Variants in CTNNB1 observed in about 807,000 individuals in gnomAD.
CTNNB1 encodes the protein catenin beta-1.
Under a neutral mutation model 82.5 loss-of-function variants are expected in CTNNB1, and 6 were observed. That is an observed-to-expected ratio of 0.07 (90% CI 0.04 to 0.14). The LOEUF (loss-of-function observed/expected upper bound fraction) is 0.14, where lower values mean the gene tolerates loss of function less well. CTNNB1 is among the 10% of genes least tolerant of loss of function. The probability of loss-of-function intolerance (pLI) is 1.00; values close to 1 mark genes in which losing one functional copy is unlikely to be tolerated. For synonymous variants in CTNNB1, 312 were observed against 329.7 expected (o/e 0.95, Z 0.58); for missense variants, 529 against 980.4 (o/e 0.54, Z 6.15).
intron 7 of CTNNB1, chr3:41,233,086 G>A (rs2078348626): frequency 1.7e-6 from 1 of 576,800 alleles, no homozygotes; most frequent in Non-Finnish European, 3.1e-6. Flanking sequence ...AAGGGGGACA[G>A]TGGAGATAAC....
chr3:41,239,631 T>G lies in CTNNB1; in HGVS notation c.*289T>G. On this transcript the variant is annotated 3_prime_UTR_variant, in exon 15 of 15. Coordinates refer to ENST00000349496, the MANE Select transcript of CTNNB1 (RefSeq NM_001904.4). ...TGAGTAACATTTGCTGTTTTAAACA[T>G]TAATAGCAGCCTTTCTCTCTTTATA... is the stretch of plus-strand genomic sequence containing the variant. 1 of 487,034 alleles carries G rather than the reference T, an allele frequency of 2.1e-6. No individual in the cohort carries two copies. Among genetic ancestry groups the G allele is most frequent in the Non-Finnish European group, 3.8e-6 (1 of 265,240 alleles). The allele number at this position is 487,034 out of a possible 1,614,324, so 30.2% of individuals were successfully genotyped here. A position where few individuals can be genotyped will look rare whatever the true frequency, so the allele number is the denominator to read the frequency against.
intron 1 of CTNNB1, among the ~76,000 whole-genome samples, chr3:41,210,745 A>G (rs902366459): frequency 2.0e-5 from 3 of 152,068 alleles, no homozygotes; most frequent in Non-Finnish European, 4.4e-5. Flanking sequence ...ACCTGTAACA[A>G]TCATTATCAT....
intron 1 of CTNNB1, among the ~76,000 whole-genome samples, chr3:41,218,414 G>T (rs867982221): frequency 3.3e-5 from 5 of 151,990 alleles, no homozygotes; most frequent in Non-Finnish European, 7.4e-5. Flanking sequence ...CTTAAATCAA[G>T]AACAAGACAT....
chr3:41,222,501 T>TA (rs1409005617), intron 1 of CTNNB1, among the ~76,000 whole-genome samples: 1 of 152,216 alleles, frequency 6.6e-6, no homozygotes, highest in East Asian at 1.9e-4. Flanking sequence ...TTTTAAAAGC[T>TA]AAAAAATATA....
chr3:41,219,762 T>C (rs985519063), intron 1 of CTNNB1, among the ~76,000 whole-genome samples: 1 of 152,204 alleles, frequency 6.6e-6, no homozygotes, highest in Non-Finnish European at 1.5e-5. Flanking sequence ...CTTAAAATTC[T>C]TACCCTTAAA....
At position 41,224,012 on chromosome 3, in the gene CTNNB1, T is replaced by A; in HGVS notation, c.-48-9T>A. 6.3e-7 allele frequency: 1 copy of A among 1,585,024 alleles called. No individual in the cohort carries two copies. Among genetic ancestry groups the A allele is most frequent in the Non-Finnish European group, 8.7e-7 (1 of 1,153,804 alleles). ...TAAATCCTAATGACTTTTGATTAAC[T>A]TTTTTTAGGGTATTTGAAGTATACC... is the stretch of plus-strand genomic sequence containing the variant. On this transcript the variant is annotated splice_polypyrimidine_tract_variant and intron_variant, in intron 1 of 14. Transcript: ENST00000349496.
In CTNNB1 at chr3:41,239,247, G is replaced by A. The variant is rs1343763001; in HGVS notation, c.2251G>A (p.Asp751Asn). ...GHHPGADYPV[D>N]GLPDLGHAQD... ...CCACCCTGGTGCTGACTATCCAGTT[G>A]ATGGGCTGCCAGATCTGGGGCATGC... The change falls in exon 15 of 15, where the codon GAT (aspartate) becomes AAT (asparagine). Residue 751 changes from aspartate to asparagine, a missense_variant. Physicochemically the swap from Asp to Asn is conservative, Grantham distance 23. Transcript: ENST00000349496. The A allele has an allele frequency of 1.2e-6, 2 of 1,614,218 alleles. No homozygotes were observed. Among genetic ancestry groups the A allele is most frequent in the African/African-American group, 1.3e-5 (1 of 75,056 alleles).
intron 1 of CTNNB1, among the ~76,000 whole-genome samples, chr3:41,201,732 T>A (rs1295793164): frequency 6.6e-6 from 1 of 151,932 alleles, no homozygotes; most frequent in African/African-American, 2.4e-5. Flanking sequence ...TAAAAAAAAA[T>A]GAAGCATTTA....
At chr3:41,229,221 GT>G (rs977192350) in intron 7 of CTNNB1, among the ~76,000 whole-genome samples, 2 of 151,428 alleles carry the variant, frequency 1.3e-5, no homozygotes, top group Admixed American at 6.6e-5. Flanking sequence ...TTTTTAAATA[GT>G]TTTTTTTTAA....
chr3:41,239,653 T>C lies in CTNNB1; in HGVS notation c.*311T>C. The C allele has an allele frequency of 2.2e-6, 1 of 459,630 alleles. No homozygotes were observed. Among genetic ancestry groups the C allele is most frequent in the Non-Finnish European group, 4.0e-6 (1 of 247,682 alleles). The allele number at this position is 459,630 out of a possible 1,614,324, so 28.5% of individuals were successfully genotyped here. ...ACATTAATAGCAGCCTTTCTCTCTT[T>C]ATACAGCTGTATTGTCTGAACTTGC... On this transcript the variant is annotated 3_prime_UTR_variant, in exon 15 of 15. Coordinates refer to ENST00000349496, the MANE Select transcript of CTNNB1 (RefSeq NM_001904.4).
Position 41,224,545 on chromosome 3 carries a change from C to G in CTNNB1, c.33C>G (p.Asp11Glu), listed in dbSNP as rs2125616742. The G allele has an allele frequency of 6.2e-7, 1 of 1,613,824 alleles. No individual in the cohort carries two copies. Among genetic ancestry groups the G allele is most frequent in the Non-Finnish European group, 8.5e-7 (1 of 1,179,902 alleles). The stretch of plus-strand genomic sequence containing the variant: ...TTATAGCTGATTTGATGGAGTTGGA[C>G]ATGGCCATGGAACCAGACAGAAAAG... MATQADLMEL[D>E]MAMEPDRKAA... The change falls in exon 3 of 15, where the codon GAC (aspartate) becomes GAG (glutamate). Residue 11 changes from aspartate (D) to glutamate (E), a missense_variant. Around this residue, in one of 4 missense-constraint regions of CTNNB1, gnomAD observed 13 missense variants for 48.6 expected, o/e 0.27. Coordinates refer to ENST00000349496, the MANE Select transcript of CTNNB1 (RefSeq NM_001904.4).
At chr3:41,209,513 T>C (rs572182370) in intron 1 of CTNNB1, among the ~76,000 whole-genome samples, 32 of 152,352 alleles carry the variant, frequency 2.1e-4, no homozygotes, top group African/African-American at 7.7e-4. Flanking sequence ...AAAAATTGTC[T>C]GTTCTCCCTT....
At chr3:41,220,023 A>G (rs113455935) in intron 1 of CTNNB1, among the ~76,000 whole-genome samples, 3 of 152,168 alleles carry the variant, frequency 2.0e-5, no homozygotes, top group South Asian at 2.1e-4. Flanking sequence ...TATACCAAAC[A>G]TACCAAAATG....
At chr3:41,226,591 G>A (rs1010170456) in intron 6 of CTNNB1, among the ~76,000 whole-genome samples, 2 of 152,146 alleles carry the variant, frequency 1.3e-5, no homozygotes, top group African/African-American at 4.8e-5. Context: ...AAAGGTTTGA[G>A]GTGAGGCTAT....
At chr3:41,221,824 T>C (rs1232518377) in intron 1 of CTNNB1, 3 of 152,212 alleles carry the variant, frequency 2.0e-5, no homozygotes, top group Non-Finnish European at 4.4e-5. Context: ...TTCATAATTC[T>C]TTCTGAAATG....
chr3:41,237,251 A>T (rs1426317225), intron 13 of CTNNB1: 1 of 164,148 alleles, frequency 6.1e-6, no homozygotes, highest in Non-Finnish European at 1.3e-5. Flanking sequence ...GGAAAGAGAG[A>T]TTGTTAGGTT....
intron 10 of CTNNB1, 94 bp downstream of exon 10, chr3:41,234,391 C>G: frequency 8.0e-7 from 1 of 1,249,338 alleles, no homozygotes; most frequent in Non-Finnish European, 1.2e-6. Flanking sequence ...TGGTTCCCCC[C>G]ATCCGTCTTC....
At chr3:41,200,922 A>G (rs2077515747) in intron 1 of CTNNB1, among the ~76,000 whole-genome samples, 1 of 152,160 alleles carries the variant, frequency 6.6e-6, no homozygotes, top group Non-Finnish European at 1.5e-5. Flanking sequence ...AAGAAAGACT[A>G]GGCTGCTGGT....
chr3:41,215,213 TAAA>T lies in CTNNB1; in HGVS notation c.-48-8785_-48-8783del, dbSNP rs10576683. Among the ~76,000 whole-genome samples the T allele has an allele frequency of 9.5e-3, 724 of 76,172 alleles. 7 individuals are homozygous for T. Among genetic ancestry groups the T allele is most frequent in the East Asian group, 0.043 (108 of 2,506 alleles). 50.0% of individuals were successfully genotyped at this position (76,172 alleles called of 152,430 possible). On this transcript the variant is annotated intron_variant, in intron 1 of 14. Transcript: ENST00000349496. Reference sequence around the variant, plus strand: ...CAAGATGGTGAAACCCTGTCTCCATTAAAAAAAAAAAAAAAAAAAAAAAAATAG... The same window carrying T: ...CAAGATGGTGAAACCCTGTCTCCATTAAAAAAAAAAAAAAAAAAAAAATAG...
Sources: gnomAD v4.1 joint callset for allele counts (sites outside exome capture counted in the v4.1 genomes callset) on GRCh38, gnomAD v4.1.1 for gene constraint, gnomAD v4.1.1 regional missense constraint, MANE v1.5 for transcripts, NCBI Gene and HGNC (gene_info 2026-07-23, HGNC 2026-07-21) for gene names.